CLIC5: variants seen among roughly 807,000 people sequenced by gnomAD.
CLIC5 encodes the protein CLIC family member 5, also known as chloride intracellular channel protein 5.
In CLIC5, 20 loss-of-function variants were observed where a neutral mutation model predicts 24.7. The ratio of observed to expected loss-of-function variants is 0.81; its 90% CI spans 0.57 to 1.18. CLIC5 has a LOEUF of 1.18. Ranked by LOEUF, CLIC5 falls within the 50% of genes most tolerant of loss-of-function variation. CLIC5 has a pLI of 0.00. For missense variants in CLIC5, 341 were observed against 326.1 expected (o/e 1.05, Z -0.35); for synonymous variants, 159 against 135.6 (o/e 1.17, Z -1.20).
At chr6:45,881,097 C>T (rs1762259303) in exon 7 of CLIC5, 1 of 398,214 alleles carries the variant, frequency 2.5e-6, no homozygotes, top group African/African-American at 2.1e-5. Flanking sequence ...TAGAAAGAAT[C>T]CCATTTTTTT....
At chr6:45,953,390 T>C (rs1329739238) in intron 2 of CLIC5, among the ~76,000 whole-genome samples, 2 of 152,080 alleles carry the variant, frequency 1.3e-5, no homozygotes, top group Non-Finnish European at 2.9e-5. Flanking sequence ...TGTGCTTGTA[T>C]GAGTGTGGTG....
chr6:46,005,694 T>C (rs1292700026), intron 1 of CLIC5, among the ~76,000 whole-genome samples: 1 of 152,044 alleles, frequency 6.6e-6, no homozygotes, highest in Non-Finnish European at 1.5e-5. Context: ...GTGGAGGCTT[T>C]GGGAGGTGAT....
chr6:46,129,698 G>A, the CLIC5 span: 1 of 152,152 alleles, frequency 6.6e-6, no homozygotes, highest in Non-Finnish European at 1.5e-5. Flanking sequence ...AGTGGCAGAA[G>A]GCCATCGGCT....
chr6:45,967,552 C>T (rs1208861216), intron 1 of CLIC5, among the ~76,000 whole-genome samples: 2 of 152,162 alleles, frequency 1.3e-5, no homozygotes, highest in African/African-American at 2.4e-5. Context: ...GGCATAAGCA[C>T]ATGCCTGGAG....
chr6:46,034,924 G>A (rs1767619721), intron 1 of CLIC5, among the ~76,000 whole-genome samples: 1 of 152,078 alleles, frequency 6.6e-6, no homozygotes, highest in African/African-American at 2.4e-5. Flanking sequence ...TATGGCCTTG[G>A]GCAAGTCACT....
intron 1 of CLIC5, among the ~76,000 whole-genome samples, chr6:46,048,831 C>T (rs1768028165): frequency 6.6e-6 from 1 of 152,122 alleles, no homozygotes; most frequent in African/African-American, 2.4e-5. Flanking sequence ...GTCAGTCAGG[C>T]ACATGCAGTG....
At chr6:46,038,823 C>A (rs1002119142) in intron 1 of CLIC5, among the ~76,000 whole-genome samples, 1 of 152,170 alleles carries the variant, frequency 6.6e-6, no homozygotes, top group Non-Finnish European at 1.5e-5. Flanking sequence ...ATTGCTACAG[C>A]ATCTGAACTA....
intron 1 of CLIC5, among the ~76,000 whole-genome samples, chr6:45,995,342 C>A (rs917559679): frequency 1.3e-5 from 2 of 152,232 alleles, no homozygotes; most frequent in Non-Finnish European, 2.9e-5. Flanking sequence ...TACTATTATT[C>A]TTTTCCCTTG....
intron 5 of CLIC5, among the ~76,000 whole-genome samples, chr6:45,904,950 C>G (rs2127296256): frequency 6.6e-6 from 1 of 152,084 alleles, no homozygotes; most frequent in East Asian, 1.9e-4. Flanking sequence ...TTGCTTAGCT[C>G]CTACTTATAA....
chr6:46,015,888 A>C, upstream of CLIC5: 14 of 1,028,312 alleles, frequency 1.4e-5, no homozygotes, highest in East Asian at 8.2e-5. Flanking sequence ...CGCGCCCAAA[A>C]TAGCCGGCGG....
At chr6:45,971,045 G>A (rs576485770) in intron 1 of CLIC5, among the ~76,000 whole-genome samples, 14 of 152,320 alleles carry the variant, frequency 9.2e-5, no homozygotes, top group Middle Eastern at 3.4e-3. Context: ...CAAAATAAAT[G>A]AGGTACAGAA....
chr6:46,118,477 T>A, the CLIC5 span, among the ~76,000 whole-genome samples: 1 of 152,228 alleles, frequency 6.6e-6, no homozygotes, highest in Non-Finnish European at 1.5e-5. Flanking sequence ...AAACTAGGAC[T>A]ATCCTGGGCA....
chr6:46,003,400 G>T (rs1408557496), intron 1 of CLIC5, among the ~76,000 whole-genome samples: 1 of 152,078 alleles, frequency 6.6e-6, no homozygotes, highest in African/African-American at 2.4e-5. Context: ...ATACTTTGAG[G>T]ATGGGGATAA....
upstream of CLIC5, among the ~76,000 whole-genome samples, chr6:46,081,111 G>A (rs1036073216): frequency 1.3e-5 from 2 of 152,164 alleles, no homozygotes; most frequent in East Asian, 1.9e-4. Flanking sequence ...AAATAAAACC[G>A]AGGAAAAACT....
intron 5 of CLIC5, among the ~76,000 whole-genome samples, chr6:45,906,407 C>T (rs1031783281): frequency 2.6e-5 from 4 of 152,030 alleles, no homozygotes; most frequent in African/African-American, 9.7e-5. Flanking sequence ...TTTTATAGCT[C>T]CCCTTGTAGA....
At chr6:45,983,767 C>T (rs964488355) in intron 1 of CLIC5, among the ~76,000 whole-genome samples, 13 of 152,206 alleles carry the variant, frequency 8.5e-5, no homozygotes, top group African/African-American at 2.7e-4. Context: ...AACCTGCCTT[C>T]GGGCCTGAAA....
the CLIC5 span, among the ~76,000 whole-genome samples, chr6:46,107,521 A>G: frequency 6.6e-6 from 1 of 152,242 alleles, no homozygotes; most frequent in Non-Finnish European, 1.5e-5. Context: ...ATAAAAGATA[A>G]CATTGTGATT....
chr6:45,934,113 A>G (rs1763845263), intron 4 of CLIC5: 2 of 152,244 alleles, frequency 1.3e-5, no homozygotes, highest in African/African-American at 4.8e-5. Flanking sequence ...GCTGCAGCTG[A>G]CCAGGGGCCC....
chr6:45,912,792 C>T (rs1395179848), intron 5 of CLIC5: 2 of 1,235,998 alleles, frequency 1.6e-6, no homozygotes, highest in South Asian at 1.3e-5. Context: ...TAGTTAATAA[C>T]TTCAAAGAGA....
Sources: gnomAD v4.1 joint callset for allele counts (sites outside exome capture counted in the v4.1 genomes callset) on GRCh38, gnomAD v4.1.1 for gene constraint, MANE v1.5 for transcripts, NCBI Gene and HGNC (gene_info 2026-07-23, HGNC 2026-07-21) for gene names.